The following PLXNA4 variants were observed in gnomAD, a reference collection of about 807,000 sequenced individuals.
PLXNA4 encodes plexin-A4.
Under a neutral mutation model 191.8 loss-of-function variants are expected in PLXNA4, and 44 were observed. The ratio of observed to expected loss-of-function variants is 0.23; its 90% CI spans 0.18 to 0.29. The LOEUF (loss-of-function observed/expected upper bound fraction) is 0.29, where lower values mean the gene tolerates loss of function less well. Ranked by LOEUF, PLXNA4 falls within the 10% of genes least tolerant of loss-of-function variation. PLXNA4 has a pLI of 1.00. For synonymous variants in PLXNA4, 1,082 were observed against 1,009.5 expected (o/e 1.07, Z -1.36); for missense variants, 1,800 against 2,488.8 (o/e 0.72, Z 5.89).
intron 25 of PLXNA4, among the ~76,000 whole-genome samples, chr7:132,156,897 A>C (rs1795816199): frequency 6.6e-6 from 1 of 152,182 alleles, no homozygotes; most frequent in Non-Finnish European, 1.5e-5. Flanking sequence ...CTTTGTAAGC[A>C]GCTCTAAACT....
chr7:132,164,020 A>T, intron 24 of PLXNA4, 122 bp downstream of exon 24: 2 of 1,465,920 alleles, frequency 1.4e-6, no homozygotes, highest in Non-Finnish European at 1.8e-6. Context: ...CTGGGCCCAC[A>T]CAGCAGACAC....
intron 10 of PLXNA4, among the ~76,000 whole-genome samples, chr7:132,207,627 CCCAGTGTCACT>C (rs1797669913): frequency 6.6e-6 from 1 of 152,238 alleles, no homozygotes; most frequent in South Asian, 2.1e-4. Context: ...ACCACCCCAA[CCCAGTGTCACT>C]CCCACACTGA....
chr7:132,641,326 T>C (rs766322994), intron 2 of PLXNA4, among the ~76,000 whole-genome samples: 1 of 152,140 alleles, frequency 6.6e-6, no homozygotes. Context: ...GCAGCTTTGG[T>C]TTCTCCTGAG....
At chr7:132,142,380 A>T (rs1201921070) in intron 29 of PLXNA4, among the ~76,000 whole-genome samples, 1 of 152,166 alleles carries the variant, frequency 6.6e-6, no homozygotes, top group Non-Finnish European at 1.5e-5. Context: ...TGATGGTAAT[A>T]GTTAGAATAT....
chr7:132,173,865 G>A (rs1252929126), intron 21 of PLXNA4, among the ~76,000 whole-genome samples: 3 of 152,214 alleles, frequency 2.0e-5, no homozygotes, highest in Non-Finnish European at 4.4e-5. Flanking sequence ...GTCCAGCACA[G>A]AGGCCTGTTG....
rs1165780680 is a variant in PLXNA4 at position 132,507,625 on chromosome 7, T to G, written c.1069A>C (p.Ile357Leu). ...TCATTTATCTGCTTCAAGATGAAGATGCACAGGGCCGACTCATCCAGGGAT... is the reference window on the plus strand; with the variant it reads ...TCATTTATCTGCTTCAAGATGAAGAGGCACAGGGCCGACTCATCCAGGGAT... ...MKSLDESALC[I>L]FILKQINDRI... The change falls in exon 2 of 32, where the codon ATC becomes CTC. Residue 357 changes from isoleucine to leucine, a missense_variant. Physicochemically the swap from Ile to Leu is conservative, Grantham distance 5. Coordinates refer to ENST00000321063, the MANE Select transcript of PLXNA4 (RefSeq NM_020911.2). 2 of 1,614,228 alleles carry G rather than the reference T, an allele frequency of 1.2e-6. No individual in the cohort carries two copies. The highest frequency in any genetic ancestry group is 2.2e-5 in the South Asian group (2 of 91,090).
At chr7:132,164,119 G>A (rs1207304506) in intron 24 of PLXNA4, 23 bp downstream of exon 24, 4 of 1,612,970 alleles carry the variant, frequency 2.5e-6, no homozygotes, top group South Asian at 1.1e-5. Context: ...AAAGCCCCAG[G>A]GGAAACAGAT....
chr7:132,144,577 G>A (rs1795364372), intron 29 of PLXNA4, among the ~76,000 whole-genome samples: 1 of 152,212 alleles, frequency 6.6e-6, no homozygotes, highest in South Asian at 2.1e-4. Context: ...TCACCTGGCT[G>A]GTTCCTAAGT....
At chr7:132,250,168 T>C (rs1417516643) in intron 4 of PLXNA4, among the ~76,000 whole-genome samples, 4 of 152,166 alleles carry the variant, frequency 2.6e-5, no homozygotes, top group Admixed American at 6.5e-5. Context: ...ATGGGTTGTT[T>C]TGAAGAATAA....
intron 3 of PLXNA4, among the ~76,000 whole-genome samples, chr7:132,467,014 G>A (rs957615874): frequency 2.6e-5 from 4 of 152,080 alleles, no homozygotes; most frequent in Non-Finnish European, 4.4e-5. Context: ...GATCATTAGC[G>A]ACTCCCTAAG....
intron 1 of PLXNA4, among the ~76,000 whole-genome samples, chr7:132,514,981 C>T (rs1798881313): frequency 6.6e-6 from 1 of 152,194 alleles, no homozygotes; most frequent in African/African-American, 2.4e-5. Flanking sequence ...AACACTTCTG[C>T]TGGAATTGAC....
At chr7:132,463,680 C>T (rs1051634573) in intron 3 of PLXNA4, among the ~76,000 whole-genome samples, 1 of 152,198 alleles carries the variant, frequency 6.6e-6, no homozygotes, top group South Asian at 2.1e-4. Flanking sequence ...GCTCATTCTT[C>T]CCTCTGGCTT....
intron 3 of PLXNA4, among the ~76,000 whole-genome samples, chr7:132,480,837 A>G (rs1191864563): frequency 6.6e-6 from 1 of 152,172 alleles, no homozygotes; most frequent in Non-Finnish European, 1.5e-5. Context: ...GTGATGTGAG[A>G]GCAGCCATGG....
intron 4 of PLXNA4, among the ~76,000 whole-genome samples, chr7:132,267,858 G>T (rs1002427826): frequency 6.6e-6 from 1 of 152,048 alleles, no homozygotes; most frequent in Non-Finnish European, 1.5e-5. Context: ...TGGCTTCCTT[G>T]CTCCTGCTTA....
At chr7:132,382,540 T>A (rs945771056) in intron 3 of PLXNA4, among the ~76,000 whole-genome samples, 8 of 152,116 alleles carry the variant, frequency 5.3e-5, no homozygotes, top group Non-Finnish European at 1.2e-4. Context: ...ACCCTAAGCA[T>A]GCACAGTCAA....
chr7:132,363,656 G>A (rs1563058024), intron 3 of PLXNA4, among the ~76,000 whole-genome samples: 2 of 152,192 alleles, frequency 1.3e-5, no homozygotes, highest in Admixed American at 1.3e-4. Flanking sequence ...CTATGAATAT[G>A]GTTGTACATC....
chr7:132,593,051 C>A (rs891053526), intron 2 of PLXNA4, among the ~76,000 whole-genome samples: 4 of 152,144 alleles, frequency 2.6e-5, no homozygotes, highest in African/African-American at 9.7e-5. Context: ...GACAGGGTGG[C>A]AAGCCTCTCA....
At chr7:132,580,035 C>T (rs1353290210), upstream of PLXNA4, among the ~76,000 whole-genome samples, 2 of 152,182 alleles carry the variant, frequency 1.3e-5, no homozygotes, top group East Asian at 1.9e-4. Context: ...GAGCGGGTCA[C>T]GTCCTCTCAA....
At chr7:132,376,163 CT>C (rs1450563988) in intron 3 of PLXNA4, among the ~76,000 whole-genome samples, 1 of 152,162 alleles carries the variant, frequency 6.6e-6, no homozygotes, top group Non-Finnish European at 1.5e-5. Context: ...CTGTGGAGAG[CT>C]TTGGCGATGT....
Sources: gnomAD v4.1 joint callset for allele counts (sites outside exome capture counted in the v4.1 genomes callset) on GRCh38, gnomAD v4.1.1 for gene constraint, MANE v1.5 for transcripts, NCBI Gene and HGNC (gene_info 2026-07-23, HGNC 2026-07-21) for gene names.